NUP214: variants seen among roughly 807,000 people sequenced by gnomAD.
NUP214 encodes nuclear pore complex protein Nup214.
In NUP214, 79 loss-of-function variants were observed where a neutral mutation model predicts 196.2. The observed-to-expected ratio is 0.40, with a 90% CI of 0.34 to 0.49. The LOEUF is 0.49. Among genes scored for constraint, NUP214 ranks in the 20% least tolerant of loss-of-function variants. The pLI, the probability that NUP214 is intolerant of heterozygous loss-of-function variation, is 0.58. For missense variants in NUP214, 2,468 were observed against 2,539.0 expected (o/e 0.97, Z 0.60); for synonymous variants, 1,020 against 990.5 (o/e 1.03, Z -0.56).
chr9:131,130,137 G>GTTTTGTTTTT (rs1564176236), intron 4 of NUP214, among the ~76,000 whole-genome samples: 2 of 76,894 alleles, frequency 2.6e-5, no homozygotes, highest in African/African-American at 5.0e-5. Flanking sequence ...TTCTGGTTTT[G>GTTTTGTTTTT]TTTTTTTTTT....
intron 17 of NUP214, among the ~76,000 whole-genome samples, chr9:131,157,348 A>G (rs1832484785): frequency 6.7e-6 from 1 of 149,366 alleles, no homozygotes; most frequent in African/African-American, 2.5e-5. Flanking sequence ...TTTTGTAGAG[A>G]TGGGGCCTTG....
chr9:131,201,103 G>T (rs986699235), intron 29 of NUP214, among the ~76,000 whole-genome samples: 1 of 147,344 alleles, frequency 6.8e-6, no homozygotes. Flanking sequence ...CTCCATACTA[G>T]ATGAGGAAAC....
intron 30 of NUP214, among the ~76,000 whole-genome samples, chr9:131,202,219 C>T (rs78792915): frequency 0.025 from 3,752 of 152,204 alleles, 57 homozygotes; most frequent in Non-Finnish European, 0.029. Context: ...CGCCTGACCA[C>T]ATTGCATGAT....
intron 17 of NUP214, among the ~76,000 whole-genome samples, chr9:131,156,322 C>T (rs1435590598): frequency 5.3e-5 from 8 of 151,784 alleles, no homozygotes; most frequent in Admixed American, 1.3e-4. Context: ...TCAGTAGAGA[C>T]GGGGTTTCAC....
chr9:131,136,033 G>A lies in NUP214; in HGVS notation c.1005+27G>A, dbSNP rs184125511. On this transcript the variant is annotated intron_variant, in intron 9 of 35. Transcript: ENST00000359428. ...TAAATCTCTTTTTTGTCACTTCTGT[G>A]GTGCTTTCTTTTTTAAATTATTATT... 241 of 1,548,756 alleles carry A rather than the reference G, an allele frequency of 1.6e-4. No individual in the cohort carries two copies. In the African/African-American group the frequency reaches 3.0e-3, roughly 20 times the overall value.
intron 32 of NUP214, among the ~76,000 whole-genome samples, chr9:131,227,703 T>TA (rs1482038279): frequency 1.4e-4 from 22 of 152,342 alleles, no homozygotes; most frequent in African/African-American, 5.1e-4. Context: ...CTTGCCTGTG[T>TA]ACTGATAAGT....
At chr9:131,211,842 T>G (rs1255040260) in intron 30 of NUP214, among the ~76,000 whole-genome samples, 1 of 152,170 alleles carries the variant, frequency 6.6e-6, no homozygotes, top group African/African-American at 2.4e-5. Flanking sequence ...CTGCACAAAT[T>G]GTGGAGCATG....
chr9:131,192,169 CTTTTTTTTTTTTTT>C (rs66652901), intron 26 of NUP214, 25 bp from the exon 27 acceptor site: 34 of 447,482 alleles, frequency 7.6e-5, no homozygotes, highest in Admixed American at 2.3e-4. Context: ...TTGTAATATT[CTTTTTTTTTTTTTT>C]TTTTTTTTTT....
intron 5 of NUP214, among the ~76,000 whole-genome samples, chr9:131,131,535 GGTTTAA>G (rs1310654176): frequency 1.3e-5 from 2 of 152,116 alleles, no homozygotes; most frequent in African/African-American, 4.8e-5. Context: ...AGGTGGTATA[GGTTTAA>G]GGTTAAGGTT....
intron 30 of NUP214, 39 bp from the exon 31 acceptor site, chr9:131,215,173 T>A: frequency 1.4e-6 from 2 of 1,463,568 alleles, no homozygotes; most frequent in Non-Finnish European, 1.8e-6. Flanking sequence ...CACGATGACC[T>A]CTCATCCTAT....
chr9:131,174,179 C>T lies in NUP214; in HGVS notation c.3018C>T (p.Asp1006=), dbSNP rs377558587. Residue 1006 remains aspartate, a synonymous_variant, in exon 22 of 36, where the codon GAC becomes GAT. Transcript: ENST00000359428. ...ATGCACGGACGTCCTGTAAAGATGA[C>T]GAGGCAGTGGTTCAGGCCCCTCGGC... ...SEDARTSCKD[D]EAVVQAPRHA... 1.6e-4 allele frequency: 251 copies of T among 1,613,708 alleles called. No individual in the cohort carries two copies. The highest frequency in any genetic ancestry group is 9.9e-4 in the Middle Eastern group (6 of 6,082).
chr9:131,174,397 A>G, intron 22 of NUP214, 79 bp downstream of exon 22: 2 of 1,386,202 alleles, frequency 1.4e-6, no homozygotes, highest in Non-Finnish European at 2.0e-6. Context: ...TGGGTCTTAT[A>G]CTGTCACACC....
chr9:131,216,175 C>G, intron 31 of NUP214, among the ~76,000 whole-genome samples: 1 of 151,464 alleles, frequency 6.6e-6, no homozygotes, highest in East Asian at 1.9e-4. Context: ...CAGGTATGAG[C>G]CACCATGCCC....
intron 24 of NUP214, among the ~76,000 whole-genome samples, chr9:131,184,007 CTTTTTCT>C (rs1833368343): frequency 1.5e-5 from 2 of 129,954 alleles, no homozygotes; most frequent in African/African-American, 2.8e-5. Context: ...TTTTTCTTTT[CTTTTTCT>C]TTTTTCTTTT....
chr9:131,137,706 C>T (rs1211935050), intron 9 of NUP214, among the ~76,000 whole-genome samples: 7 of 152,046 alleles, frequency 4.6e-5, no homozygotes, highest in Non-Finnish European at 7.4e-5. Context: ...TGCGCCAACA[C>T]GCCTGGCTAA....
At chr9:131,178,102 G>A (rs979705075) in intron 23 of NUP214, among the ~76,000 whole-genome samples, 1 of 152,130 alleles carries the variant, frequency 6.6e-6, no homozygotes, top group African/African-American at 2.4e-5. Context: ...TCAGTTACAG[G>A]AAGCCTTGTT....
chr9:131,234,368 C>CA lies in NUP214; in HGVS notation c.*883dup, dbSNP rs1344184613. The CA allele has an allele frequency of 4.3e-6, 1 of 232,856 alleles. No homozygotes were observed. Among genetic ancestry groups the CA allele is most frequent in the African/African-American group, 2.2e-5 (1 of 45,322 alleles). The allele number at this position is 232,856 out of a possible 1,614,324, so 14.4% of individuals were successfully genotyped here. The stretch of plus-strand genomic sequence containing the variant: ...ACTAGCAGAACGATGCTGGATTTGA[C>CA]AACAGTGTTTGCTAGGACGGCCCAG... On this transcript the variant is annotated 3_prime_UTR_variant, in exon 36 of 36. Transcript: ENST00000359428.
rs71389402 is a variant in NUP214 at position 131,193,629 on chromosome 9, C to CTTTTTTTTTTTTTTTTTTTTTTTTTTT, written c.3659+1344_3659+1370dup. Among the ~76,000 whole-genome samples, 64 of 28,228 alleles carry CTTTTTTTTTTTTTTTTTTTTTTTTTTT rather than the reference C, an allele frequency of 2.3e-3. 28 individuals are homozygous for CTTTTTTTTTTTTTTTTTTTTTTTTTTT. Among genetic ancestry groups the CTTTTTTTTTTTTTTTTTTTTTTTTTTT allele is most frequent in the Non-Finnish European group, 3.2e-3 (50 of 15,436 alleles). 18.5% of individuals were successfully genotyped at this position (28,228 alleles called of 152,430 possible). On this transcript the variant is annotated intron_variant, in intron 27 of 35. Transcript: ENST00000359428. Reference sequence around the variant, plus strand: ...GTGAAATGATATTCTTCTTCCTTTTCTTTTTTTTTTTTTTTTTTTTTTTTT... The same window carrying CTTTTTTTTTTTTTTTTTTTTTTTTTTT: ...GTGAAATGATATTCTTCTTCCTTTTCTTTTTTTTTTTTTTTTTTTTTTTTTTTTTTTTTTTTTTTTTTTTTTTTTTTT...
chr9:131,137,414 C>T lies in NUP214; in HGVS notation c.1005+1408C>T, dbSNP rs145499776. On this transcript the variant is annotated intron_variant, in intron 9 of 35. Transcript: ENST00000359428. ...TTAGTTTTAGACCTTACTGACTGTACGGCAAATGATGATCTAGCTCACACA... is the reference window on the plus strand; with the variant it reads ...TTAGTTTTAGACCTTACTGACTGTATGGCAAATGATGATCTAGCTCACACA... Among the ~76,000 whole-genome samples, 105 of 152,282 alleles carry T rather than the reference C, an allele frequency of 6.9e-4. No homozygotes were observed. In the East Asian group the frequency reaches 0.014, roughly 21 times the overall value.
Sources: allele counts gnomAD v4.1 joint callset (sites outside exome capture counted in the v4.1 genomes callset), GRCh38; gene constraint gnomAD v4.1.1; transcripts MANE v1.5; gene names NCBI Gene and HGNC (gene_info 2026-07-23, HGNC 2026-07-21).